The following MAPK8 variants were observed in gnomAD, a reference collection of about 807,000 sequenced individuals.
MAPK8 encodes JUN N-terminal kinase.
MAPK8 carries 13 observed loss-of-function variants against 52.9 expected under a neutral mutation model. The observed-to-expected ratio is 0.25, with a 90% CI of 0.16 to 0.39. The LOEUF is 0.39. MAPK8 is among the 10% of genes least tolerant of loss of function. MAPK8 has a pLI of 1.00. For synonymous variants in MAPK8, 191 were observed against 169.8 expected, an observed-to-expected ratio of 1.12 and a Z score of -0.97; for missense variants, 300 against 519.2, an observed-to-expected ratio of 0.58 and a Z score of 4.10.
rs80093401 is a variant in MAPK8, at chr10:48,325,702, T to G, written c.-50+18881T>G. Among the ~76,000 whole-genome samples, 1,057 of 152,368 alleles carry G rather than the reference T, an allele frequency of 6.9e-3. 16 individuals carry two copies. The highest frequency in any genetic ancestry group is 0.023 in the African/African-American group (955 of 41,594). On this transcript the variant is annotated intron_variant, in intron 1 of 11. Coordinates refer to ENST00000374189, the MANE Select transcript of MAPK8 (RefSeq NM_001323329.2). ...AAATCCATAGCTTATTCAGCTTTTCTTAGTTTTTAGCTAGTGTTTTTGTTT... is the reference window on the plus strand; with the variant it reads ...AAATCCATAGCTTATTCAGCTTTTCGTAGTTTTTAGCTAGTGTTTTTGTTT...
chr10:48,321,089 GTTTTTTTTT>G (rs34616108), intron 1 of MAPK8, among the ~76,000 whole-genome samples: 2 of 94,002 alleles, frequency 2.1e-5, no homozygotes, highest in African/African-American at 8.8e-5. Context: ...CGTTGTAAGA[GTTTTTTTTT>G]TTTTTTTTTT....
rs141073405 is a variant in MAPK8 at position 48,406,685 on chromosome 10, A to T, written c.252+1704A>T. Among the ~76,000 whole-genome samples the T allele has an allele frequency of 2.4e-3, 368 of 152,310 alleles. 1 individual carries two copies. Among genetic ancestry groups the T allele is most frequent in the African/African-American group, 8.4e-3 (348 of 41,566 alleles). ...TGTTTTTGTAGTGTTTTGCCTTTTA[A>T]ACAATTTCATCCTCTGTACAGATTG... On this transcript the variant is annotated intron_variant, in intron 3 of 11. Coordinates refer to ENST00000374189, the MANE Select transcript of MAPK8 (RefSeq NM_001323329.2).
At chr10:48,350,456 G>T (rs1419173857) in intron 1 of MAPK8, among the ~76,000 whole-genome samples, 1 of 152,194 alleles carries the variant, frequency 6.6e-6, no homozygotes, top group Non-Finnish European at 1.5e-5. Flanking sequence ...ATGCAAGGCT[G>T]TTTCAACAGA....
At chr10:48,434,823 G>A in intron 11 of MAPK8, 61 bp from the exon 12 acceptor site, 1 of 1,480,790 alleles carries the variant, frequency 6.8e-7, no homozygotes, top group Non-Finnish European at 9.1e-7. Flanking sequence ...TCAGTGCAGT[G>A]CAAGTAGCTT....
At chr10:48,319,551 G>T (rs562993236) in intron 1 of MAPK8, among the ~76,000 whole-genome samples, 9 of 151,818 alleles carry the variant, frequency 5.9e-5, no homozygotes, top group Admixed American at 2.0e-4. Context: ...GTGCAGTGGC[G>T]TGATCCCGGC....
At chr10:48,415,349 T>G (rs2043006763) in intron 5 of MAPK8, among the ~76,000 whole-genome samples, 1 of 152,104 alleles carries the variant, frequency 6.6e-6, no homozygotes, top group African/African-American at 2.4e-5. Flanking sequence ...GGTTCCAGAT[T>G]AATGAGGATA....
chr10:48,370,444 A>G (rs2590381), intron 1 of MAPK8, among the ~76,000 whole-genome samples: 21 of 151,836 alleles, frequency 1.4e-4, no homozygotes, highest in South Asian at 6.2e-4. Flanking sequence ...AGGTTGGTAC[A>G]TTGAGAGTAA....
intron 6 of MAPK8, 58 bp from the exon 7 acceptor site, chr10:48,424,030 C>T (rs1013580569): frequency 3.6e-6 from 5 of 1,395,586 alleles, no homozygotes; most frequent in South Asian, 2.5e-5. Context: ...TATTATGCTT[C>T]TTTGATTTTA....
chr10:48,318,397 A>G lies in MAPK8; in HGVS notation c.-50+11576A>G, dbSNP rs550321811. Among the ~76,000 whole-genome samples the G allele has an allele frequency of 1.6e-4, 25 of 152,302 alleles. No homozygotes were observed. In the South Asian group the frequency reaches 4.1e-3, roughly 25 times the overall value. Reference sequence around the variant, plus strand: ...CTAGCCAAATTGACACTTAAAACTAACCATCACACCAGATCAGTTCAAAAG... The same window carrying G: ...CTAGCCAAATTGACACTTAAAACTAGCCATCACACCAGATCAGTTCAAAAG... On this transcript the variant is annotated intron_variant, in intron 1 of 11. Transcript: ENST00000374189.
intron 1 of MAPK8, among the ~76,000 whole-genome samples, chr10:48,307,851 A>G (rs1841559957): frequency 1.3e-5 from 2 of 152,206 alleles, no homozygotes; most frequent in Non-Finnish European, 2.9e-5. Context: ...CCGTACTCAG[A>G]TGAAGAGGTT....
intron 1 of MAPK8, among the ~76,000 whole-genome samples, chr10:48,324,512 T>TG (rs1564481493): frequency 6.7e-6 from 1 of 149,748 alleles, no homozygotes; most frequent in Admixed American, 6.7e-5. Context: ...AGTTTTTTTT[T>TG]TTTTTTTTAC....
At chr10:48,317,285 C>G (rs1842591864) in intron 1 of MAPK8, among the ~76,000 whole-genome samples, 1 of 152,236 alleles carries the variant, frequency 6.6e-6, no homozygotes, top group African/African-American at 2.4e-5. Flanking sequence ...GTGAATCTTC[C>G]TGTCTCAGCC....
chr10:48,398,358 A>C (rs186101024), intron 1 of MAPK8, among the ~76,000 whole-genome samples: 2 of 152,322 alleles, frequency 1.3e-5, no homozygotes, highest in Admixed American at 1.3e-4. Context: ...GCCCATGAAA[A>C]GGTGCTCACC....
chr10:48,310,786 CAG>C (rs935386567), intron 1 of MAPK8, among the ~76,000 whole-genome samples: 1 of 141,152 alleles, frequency 7.1e-6, no homozygotes, highest in African/African-American at 3.1e-5. Context: ...TGGAGAGAGA[CAG>C]AGAGGAGACC....
chr10:48,317,404 C>G (rs1780347806), intron 1 of MAPK8, among the ~76,000 whole-genome samples: 2 of 152,006 alleles, frequency 1.3e-5, no homozygotes, highest in Admixed American at 6.5e-5. Context: ...GCCTCGTGAT[C>G]TTACCACCTC....
At chr10:48,393,999 T>C (rs2041762712) in intron 1 of MAPK8, among the ~76,000 whole-genome samples, 1 of 151,902 alleles carries the variant, frequency 6.6e-6, no homozygotes, top group African/African-American at 2.4e-5. Flanking sequence ...GAGATGAGTA[T>C]AGATTCTATA....
chr10:48,386,019 A>G (rs1056067081), intron 1 of MAPK8, among the ~76,000 whole-genome samples: 3 of 152,196 alleles, frequency 2.0e-5, no homozygotes, highest in African/African-American at 4.8e-5. Flanking sequence ...AGCAATAAGT[A>G]TATGTGGTAT....
chr10:48,329,409 A>G (rs1843878485), intron 1 of MAPK8, among the ~76,000 whole-genome samples: 1 of 152,148 alleles, frequency 6.6e-6, no homozygotes, highest in Admixed American at 6.5e-5. Context: ...AAGAATTCAG[A>G]GCGGTGTATT....
intron 1 of MAPK8, among the ~76,000 whole-genome samples, chr10:48,331,743 TTTC>T (rs750835417): frequency 2.0e-5 from 3 of 152,170 alleles, no homozygotes; most frequent in Non-Finnish European, 4.4e-5. Context: ...CAGTATATAA[TTTC>T]TTAAGCATTG....
Sources: allele counts gnomAD v4.1 joint callset (sites outside exome capture counted in the v4.1 genomes callset), GRCh38; gene constraint gnomAD v4.1.1; transcripts MANE v1.5; gene names NCBI Gene and HGNC (gene_info 2026-07-23, HGNC 2026-07-21).